GABRG3: variants seen among roughly 807,000 people sequenced by gnomAD.
GABRG3 encodes gamma-aminobutyric acid receptor subunit gamma-3.
GABRG3 carries 25 observed loss-of-function variants against 48.8 expected under a neutral mutation model. The ratio of observed to expected loss-of-function variants is 0.51; its 90% CI spans 0.37 to 0.72. The LOEUF (loss-of-function observed/expected upper bound fraction) is 0.72. GABRG3 is among the 30% of genes least tolerant of loss of function. The pLI is 0.00. For synonymous variants in GABRG3, 227 were observed against 217.6 expected (o/e 1.04, Z -0.38); for missense variants, 394 against 577.9 (o/e 0.68, Z 3.26).
intron 2 of GABRG3, among the ~76,000 whole-genome samples, chr15:26,989,474 A>T (rs984112303): frequency 6.6e-6 from 1 of 152,130 alleles, no homozygotes; most frequent in Non-Finnish European, 1.5e-5. Context: ...GACCGATTTT[A>T]TTCAACTTTT....
chr15:27,122,067 C>A (rs983346393), intron 3 of GABRG3, among the ~76,000 whole-genome samples: 1 of 152,060 alleles, frequency 6.6e-6, no homozygotes, highest in African/African-American at 2.4e-5. Context: ...TAACTTTAGT[C>A]AAAATAATTG....
intron 3 of GABRG3, among the ~76,000 whole-genome samples, chr15:27,280,726 G>A (rs994403536): frequency 2.0e-5 from 3 of 152,138 alleles, no homozygotes; most frequent in African/African-American, 7.2e-5. Context: ...TAAATTTGTT[G>A]AGGTTTGTTT....
At chr15:27,354,368 T>C (rs1359711951) in intron 5 of GABRG3, among the ~76,000 whole-genome samples, 1 of 152,152 alleles carries the variant, frequency 6.6e-6, no homozygotes, top group Non-Finnish European at 1.5e-5. Flanking sequence ...CCTGAATCAT[T>C]TCTAATCAAC....
intron 3 of GABRG3, among the ~76,000 whole-genome samples, chr15:27,171,575 TAG>T (rs139559244): frequency 2.7e-5 from 4 of 148,568 alleles, no homozygotes; most frequent in Admixed American, 1.3e-4. Context: ...TATATATATA[TAG>T]AGAGAGAGAG....
intron 3 of GABRG3, among the ~76,000 whole-genome samples, chr15:27,247,472 A>G (rs1174727886): frequency 6.6e-6 from 1 of 151,996 alleles, no homozygotes; most frequent in East Asian, 1.9e-4. Context: ...ACATTTCTAG[A>G]TGCCATCTGA....
chr15:27,407,216 G>A (rs1369415467), intron 5 of GABRG3, among the ~76,000 whole-genome samples: 4 of 152,090 alleles, frequency 2.6e-5, no homozygotes, highest in African/African-American at 4.8e-5. Context: ...GTGAGCCACC[G>A]CGCTCGGCTC....
intron 8 of GABRG3, 114 bp downstream of exon 8, chr15:27,527,743 C>G: frequency 1.8e-6 from 2 of 1,123,380 alleles, no homozygotes; most frequent in Non-Finnish European, 1.3e-6. Flanking sequence ...ATACAAATAC[C>G]CAGTTCAACA....
Position 26,974,632 on chromosome 15 carries a change from T to C in GABRG3, c.54-2370T>C, listed in dbSNP as rs1894903718. ...TGAGTCGCCAAGTGTCCTGAGCATG[T>C]TGTGCCTGATTCTGCTGAGATGAGC... is the stretch of plus-strand genomic sequence containing the variant. On this transcript the variant is annotated intron_variant, in intron 1 of 9. Transcript: ENST00000615808. This position sits in a 1 kb window ranked among gnomAD's most constrained non-coding sequence, Gnocchi z 4.3. Among the ~76,000 whole-genome samples the C allele has an allele frequency of 6.6e-6, 1 of 151,898 alleles. No homozygotes were observed. Among genetic ancestry groups the C allele is most frequent in the Non-Finnish European group, 1.5e-5 (1 of 67,966 alleles).
intron 3 of GABRG3, among the ~76,000 whole-genome samples, chr15:27,083,460 G>C (rs771482405): frequency 6.6e-6 from 1 of 151,640 alleles, no homozygotes; most frequent in Non-Finnish European, 1.5e-5. Flanking sequence ...AGCCTCCTGA[G>C]TAGCTGGGAT....
chr15:27,228,090 T>G (rs182654058), intron 3 of GABRG3, among the ~76,000 whole-genome samples: 173 of 152,310 alleles, frequency 1.1e-3, no homozygotes, highest in African/African-American at 3.8e-3. Flanking sequence ...ATTTTTATTT[T>G]AGGTTTGGGG....
intron 3 of GABRG3, among the ~76,000 whole-genome samples, chr15:27,249,169 TGG>T (rs1343561671): frequency 6.6e-6 from 1 of 152,182 alleles, no homozygotes; most frequent in Non-Finnish European, 1.5e-5. Context: ...TGAGCGATGC[TGG>T]AAGCTGCGTC....
At chr15:27,407,845 G>C (rs1267777687) in intron 5 of GABRG3, among the ~76,000 whole-genome samples, 1 of 152,164 alleles carries the variant, frequency 6.6e-6, no homozygotes, top group South Asian at 2.1e-4. Context: ...GGAGCCCAGA[G>C]AATTTTTTGG....
At chr15:27,429,103 T>A (rs1888375394) in intron 5 of GABRG3, among the ~76,000 whole-genome samples, 5 of 152,228 alleles carry the variant, frequency 3.3e-5, no homozygotes, top group Admixed American at 3.3e-4. Context: ...CCTAATTGTT[T>A]CATTTACTTA....
At chr15:27,500,145 A>G (rs60316573) in intron 6 of GABRG3, among the ~76,000 whole-genome samples, 10,600 of 152,192 alleles carry the variant, frequency 0.07, 1,237 homozygotes, top group African/African-American at 0.24. Flanking sequence ...CAGGAAATGA[A>G]CACGAGGGAA....
chr15:27,357,593 A>C (rs553483919), intron 5 of GABRG3, among the ~76,000 whole-genome samples: 1 of 152,342 alleles, frequency 6.6e-6, no homozygotes, highest in African/African-American at 2.4e-5. Context: ...ACCCAAAAAG[A>C]AAATTTAGTA....
At chr15:27,003,266 G>C (rs1032289584) in intron 2 of GABRG3, among the ~76,000 whole-genome samples, 14 of 138,300 alleles carry the variant, frequency 1.0e-4, no homozygotes, top group African/African-American at 3.8e-4. Context: ...GGTGTTTCTC[G>C]CAGAGGGGGA....
chr15:27,450,633 C>G (rs1006421938), intron 5 of GABRG3, among the ~76,000 whole-genome samples: 1 of 151,882 alleles, frequency 6.6e-6, no homozygotes, highest in Non-Finnish European at 1.5e-5. Context: ...AAGGCTTTTC[C>G]TGTAAGATCA....
chr15:27,169,504 G>A (rs951473442), intron 3 of GABRG3, among the ~76,000 whole-genome samples: 2 of 152,152 alleles, frequency 1.3e-5, no homozygotes, highest in Non-Finnish European at 2.9e-5. Context: ...GGTGAGTGCC[G>A]AAAGCTATGG....
rs1454609670 is a variant in GABRG3 at position 27,388,071 on chromosome 15, AAGGAAGGAAGGAAAGGAGGG to A, written c.574+59189_574+59208del. ...AGGAAAGGTGGGAGGGAGGGTAAGG[AAGGAAGGAAGGAAAGGAGGG>A]AGGAAAGGGAGGGAGGGAAAAGAAG... On this transcript the variant is annotated intron_variant, in intron 5 of 9. Coordinates refer to ENST00000615808, the MANE Select transcript of GABRG3 (RefSeq NM_033223.5). 7.9e-5 allele frequency among the ~76,000 whole-genome samples: 8 copies of A among 100,972 alleles called. 1 individual carries two copies. The highest frequency in any genetic ancestry group is 1.5e-4 in the Non-Finnish European group (8 of 53,626). 66.2% of individuals were successfully genotyped at this position (100,972 alleles called of 152,430 possible). A position where few individuals can be genotyped will look rare whatever the true frequency, so the allele number is the denominator to read the frequency against.
Sources: allele counts gnomAD v4.1 joint callset (sites outside exome capture counted in the v4.1 genomes callset), GRCh38; gene constraint gnomAD v4.1.1; non-coding constraint Gnocchi (gnomAD v3.1); transcripts MANE v1.5; gene names NCBI Gene and HGNC (gene_info 2026-07-23, HGNC 2026-07-21).